The following CDH18 variants were observed in gnomAD, a reference collection of about 807,000 sequenced individuals.
The protein encoded by CDH18 is cadherin 18, also known as cadherin-18.
A neutral mutation model predicts 67.9 loss-of-function variants in CDH18; 31 were observed. The ratio of observed to expected loss-of-function variants is 0.46; its 90% CI spans 0.34 to 0.62. The LOEUF is 0.62. CDH18 is among the 20% of genes least tolerant of loss of function. The pLI, the probability that CDH18 is intolerant of heterozygous loss-of-function variation, is 0.01. For synonymous variants in CDH18, 362 were observed against 347.2 expected (o/e 1.04, Z -0.48); for missense variants, 890 against 975.5 (o/e 0.91, Z 1.17).
chr5:19,644,151 G>T (rs939673058), intron 5 of CDH18, among the ~76,000 whole-genome samples: 109 of 152,136 alleles, frequency 7.2e-4, no homozygotes, highest in African/African-American at 2.6e-3. Flanking sequence ...CACTTACTTA[G>T]AACCCAACTG....
chr5:19,853,888 C>T (rs2149940367), intron 2 of CDH18, among the ~76,000 whole-genome samples: 1 of 152,130 alleles, frequency 6.6e-6, no homozygotes. Flanking sequence ...GAGGGTGGAT[C>T]GTGGGAGAAC....
chr5:20,322,749 C>T (rs891530089), intron 1 of CDH18, among the ~76,000 whole-genome samples: 1 of 151,966 alleles, frequency 6.6e-6, no homozygotes, highest in African/African-American at 2.4e-5. Flanking sequence ...GACAAAAAGC[C>T]GCTTGACAGA....
intron 2 of CDH18, among the ~76,000 whole-genome samples, chr5:19,840,460 T>G (rs576717590): frequency 6.6e-6 from 1 of 152,214 alleles, no homozygotes; most frequent in East Asian, 1.9e-4. Flanking sequence ...CCAAGCATTT[T>G]GGAAGGCTGA....
chr5:20,425,620 A>G (rs2150166767), intron 1 of CDH18, among the ~76,000 whole-genome samples: 1 of 151,144 alleles, frequency 6.6e-6, no homozygotes, highest in Admixed American at 6.6e-5. Flanking sequence ...CTTAAATAGT[A>G]AAAATAATTG....
chr5:20,130,081 A>ATTG (rs1561814674), intron 2 of CDH18, among the ~76,000 whole-genome samples: 2 of 148,692 alleles, frequency 1.3e-5, no homozygotes, highest in Non-Finnish European at 3.0e-5. Context: ...TATTGTTATT[A>ATTG]TTATTATTAT....
At chr5:20,067,851 T>C (rs1743118862) in intron 2 of CDH18, among the ~76,000 whole-genome samples, 1 of 152,090 alleles carries the variant, frequency 6.6e-6, no homozygotes, top group South Asian at 2.1e-4. Context: ...TTAGACATTA[T>C]TTTGGCAAGA....
intron 2 of CDH18, among the ~76,000 whole-genome samples, chr5:19,882,579 G>A (rs1366440841): frequency 6.6e-6 from 1 of 151,958 alleles, no homozygotes; most frequent in African/African-American, 2.4e-5. Context: ...AAGGACAAAG[G>A]TTCATTTCAC....
chr5:20,572,263 G>A (rs1052060439), intron 1 of CDH18, among the ~76,000 whole-genome samples: 1 of 151,580 alleles, frequency 6.6e-6, no homozygotes, highest in Non-Finnish European at 1.5e-5. Context: ...GCTGCCTGCT[G>A]ATCTTGTCTC....
At chr5:19,702,457 C>A (rs1209066802) in intron 5 of CDH18, among the ~76,000 whole-genome samples, 1 of 151,074 alleles carries the variant, frequency 6.6e-6, no homozygotes, top group Non-Finnish European at 1.5e-5. Flanking sequence ...CTGCAGCATT[C>A]TTTCTAACTA....
At chr5:20,308,847 A>T (rs948152906) in intron 1 of CDH18, among the ~76,000 whole-genome samples, 1 of 152,220 alleles carries the variant, frequency 6.6e-6, no homozygotes, top group Non-Finnish European at 1.5e-5. Context: ...ATAGACAATT[A>T]TGTGGCATTT....
Position 19,647,413 on chromosome 5 carries a change from C to T in CDH18, c.644-34812G>A, listed in dbSNP as rs538289778. Among the ~76,000 whole-genome samples the T allele has an allele frequency of 2.1e-4, 31 of 151,100 alleles. No homozygotes were observed. In the Middle Eastern group the frequency reaches 0.014, roughly 66 times the overall value. Reference sequence around the variant, plus strand: ...AGCATGGTGGCACAGAACTGTAGTCCCAGCTACTCAGGAGGCTGAGGCAGG... The same window carrying T: ...AGCATGGTGGCACAGAACTGTAGTCTCAGCTACTCAGGAGGCTGAGGCAGG... On this transcript the variant is annotated intron_variant, in intron 5 of 12. Coordinates refer to ENST00000382275, the MANE Select transcript of CDH18 (RefSeq NM_004934.5).
At chr5:20,344,359 A>C (rs1740529814) in intron 1 of CDH18, among the ~76,000 whole-genome samples, 1 of 152,140 alleles carries the variant, frequency 6.6e-6, no homozygotes, top group African/African-American at 2.4e-5. Context: ...GAAGACTGAC[A>C]GTCAGATTTC....
rs1748053355 is a variant in CDH18, at chr5:20,423,843, A to T, written c.-580+151619T>A. 2.1e-5 allele frequency among the ~76,000 whole-genome samples: 3 copies of T among 144,856 alleles called. 1 individual carries two copies. Among genetic ancestry groups the T allele is most frequent in the African/African-American group, 7.8e-5 (3 of 38,264 alleles). ...GCGCCTGTAGTCCCAGCTACTCGGG[A>T]GGCTGAGGCAGGAGAATGGCATGAA... On this transcript the variant is annotated intron_variant, in intron 1 of 14. Coordinates refer to the CDH18 transcript ENST00000507958.
intron 5 of CDH18, among the ~76,000 whole-genome samples, chr5:19,690,669 GA>G (rs1580888727): frequency 6.6e-6 from 1 of 151,476 alleles, no homozygotes; most frequent in African/African-American, 2.4e-5. Context: ...TAACAAAATA[GA>G]AAAACTAGAG....
At chr5:20,392,115 T>A (rs1744916062) in intron 1 of CDH18, among the ~76,000 whole-genome samples, 1 of 151,976 alleles carries the variant, frequency 6.6e-6, no homozygotes, top group East Asian at 1.9e-4. Context: ...TAAAATAATA[T>A]CTGAGAGTAG....
intron 1 of CDH18, among the ~76,000 whole-genome samples, chr5:20,274,968 T>C (rs900554748): frequency 6.6e-6 from 1 of 152,148 alleles, no homozygotes; most frequent in East Asian, 1.9e-4. Flanking sequence ...GACATGCTTG[T>C]TACCCTTTCC....
chr5:20,510,397 A>T (rs570284169), intron 1 of CDH18, among the ~76,000 whole-genome samples: 1 of 152,254 alleles, frequency 6.6e-6, no homozygotes, highest in Admixed American at 6.5e-5. Context: ...ATGCAGAAAC[A>T]TTTTAGTTTA....
At chr5:19,550,234 C>T (rs1737161451) in intron 8 of CDH18, among the ~76,000 whole-genome samples, 1 of 152,036 alleles carries the variant, frequency 6.6e-6, no homozygotes, top group South Asian at 2.1e-4. Context: ...CCTTATTCAC[C>T]ATGTTAGACT....
chr5:20,111,546 CT>C (rs760458451), intron 2 of CDH18, among the ~76,000 whole-genome samples: 6,346 of 51,920 alleles, frequency 0.12, 125 homozygotes, highest in East Asian at 0.15. Flanking sequence ...TTCCTTCTTT[CT>C]TTTTTTTTTT....
Sources: gnomAD v4.1 joint callset for allele counts (sites outside exome capture counted in the v4.1 genomes callset) on GRCh38, gnomAD v4.1.1 for gene constraint, MANE v1.5 for transcripts, NCBI Gene and HGNC (gene_info 2026-07-23, HGNC 2026-07-21) for gene names.